The following PRKG1 variants were observed in gnomAD, a reference collection of about 807,000 sequenced individuals.
PRKG1 encodes protein kinase cGMP-dependent 1, also known as cGMP-dependent protein kinase 1.
Under a neutral mutation model 88.1 loss-of-function variants are expected in PRKG1, and 35 were observed. The observed-to-expected ratio is 0.40, with a 90% CI of 0.30 to 0.53. The LOEUF (loss-of-function observed/expected upper bound fraction) is 0.53, where lower values mean the gene tolerates loss of function less well. Among genes scored for constraint, PRKG1 ranks in the 20% least tolerant of loss-of-function variants. The pLI is 0.59. For missense variants in PRKG1, 540 were observed against 839.8 expected (o/e 0.64, Z 4.41); for synonymous variants, 303 against 292.5 (o/e 1.04, Z -0.37).
At chr10:51,111,286 T>C (rs1040062137) in intron 1 of PRKG1, among the ~76,000 whole-genome samples, 2 of 152,182 alleles carry the variant, frequency 1.3e-5, no homozygotes, top group Non-Finnish European at 2.9e-5. Context: ...AAATTTTTTG[T>C]GTGGGCACAT....
rs147864765 is a variant in PRKG1, at chr10:52,264,137, G to A, written c.1174-7213G>A. On this transcript the variant is annotated intron_variant, in intron 10 of 17. Coordinates refer to ENST00000373980, the MANE Select transcript of PRKG1 (RefSeq NM_006258.4). ...AGGATGTCTACATTGCTTTCTGAACGTAGAATCTAAGGCCAGTGTCCTACA... is the reference window on the plus strand; with the variant it reads ...AGGATGTCTACATTGCTTTCTGAACATAGAATCTAAGGCCAGTGTCCTACA... Among the ~76,000 whole-genome samples, 40 of 151,844 alleles carry A rather than the reference G, an allele frequency of 2.6e-4. No homozygotes were observed. In the East Asian group the frequency reaches 5.1e-3, roughly 19 times the overall value.
At chr10:51,049,654 G>A (rs1442623273) in intron 1 of PRKG1, among the ~76,000 whole-genome samples, 2 of 152,220 alleles carry the variant, frequency 1.3e-5, no homozygotes, top group African/African-American at 4.8e-5. Context: ...TGTTTTTGCT[G>A]CTGCAACTAC....
chr10:51,607,289 A>G (rs771771651), intron 3 of PRKG1, among the ~76,000 whole-genome samples: 13 of 152,200 alleles, frequency 8.5e-5, no homozygotes, highest in Non-Finnish European at 1.3e-4. Context: ...AGTAAGTCCA[A>G]TCCAGAACAG....
At chr10:51,900,258 G>T (rs572533358) in intron 4 of PRKG1, among the ~76,000 whole-genome samples, 4 of 152,268 alleles carry the variant, frequency 2.6e-5, no homozygotes, top group Non-Finnish European at 5.9e-5. Context: ...CAGCAAAAGG[G>T]AGGTTTACGA....
At chr10:51,598,935 T>G (rs981914322) in intron 3 of PRKG1, among the ~76,000 whole-genome samples, 1 of 152,098 alleles carries the variant, frequency 6.6e-6, no homozygotes, top group African/African-American at 2.4e-5. Context: ...TGGGCACCTG[T>G]GAGTGTGCTA....
intron 3 of PRKG1, among the ~76,000 whole-genome samples, chr10:51,648,925 C>T (rs920607122): frequency 5.9e-5 from 9 of 152,036 alleles, no homozygotes; most frequent in Non-Finnish European, 1.0e-4. Flanking sequence ...CAAAGTAGGC[C>T]GGGCATGGTG....
chr10:52,282,033 G>A lies in PRKG1; in HGVS notation c.1546-120G>A, dbSNP rs564426271. Reference sequence around the variant, plus strand: ...TATAGACTATTCTTTTTGGAAGACAGAACTATAAAAACATACATGTTTTTA... The same window carrying A: ...TATAGACTATTCTTTTTGGAAGACAAAACTATAAAAACATACATGTTTTTA... On this transcript the variant is annotated intron_variant, in intron 13 of 17. Coordinates refer to ENST00000373980, the MANE Select transcript of PRKG1 (RefSeq NM_006258.4). 82 of 1,074,130 alleles carry A rather than the reference G, an allele frequency of 7.6e-5. No individual in the cohort carries two copies. In the Middle Eastern group the frequency reaches 2.6e-3, roughly 34 times the overall value. The allele number at this position is 1,074,130 out of a possible 1,614,324, so 66.5% of individuals were successfully genotyped here. A position where few individuals can be genotyped will look rare whatever the true frequency, so the allele number is the denominator to read the frequency against.
intron 3 of PRKG1, among the ~76,000 whole-genome samples, chr10:51,674,359 G>A (rs568893500): frequency 1.3e-5 from 2 of 152,062 alleles, no homozygotes; most frequent in African/African-American, 2.4e-5. Context: ...CCTGGTGTGT[G>A]ATGTTCCCCT....
chr10:51,619,407 A>G lies in PRKG1; in HGVS notation c.592+151571A>G, dbSNP rs1699209045. ...TCATTTGACTGGGTCTTTCCCCATT[A>G]TTTTGATTAAAGACAGGGTGGGGAA... On this transcript the variant is annotated intron_variant, in intron 3 of 17. Coordinates refer to ENST00000373980, the MANE Select transcript of PRKG1 (RefSeq NM_006258.4). Among the ~76,000 whole-genome samples, 3 of 152,066 alleles carry G rather than the reference A, an allele frequency of 2.0e-5. 1 individual carries two copies. In the South Asian group the frequency reaches 6.2e-4, roughly 31 times the overall value.
intron 1 of PRKG1, among the ~76,000 whole-genome samples, chr10:51,042,818 G>A (rs1434982790): frequency 5.3e-5 from 8 of 152,198 alleles, no homozygotes; most frequent in South Asian, 2.1e-4. Context: ...TGGAGGTGGC[G>A]TCATGAGGAA....
chr10:51,927,178 G>A (rs971813445), intron 5 of PRKG1, among the ~76,000 whole-genome samples: 5 of 152,140 alleles, frequency 3.3e-5, no homozygotes, highest in African/African-American at 9.7e-5. Flanking sequence ...CCCACATACT[G>A]TGGGAGGGAC....
At chr10:51,355,210 A>G (rs1306414434) in intron 2 of PRKG1, among the ~76,000 whole-genome samples, 1 of 152,080 alleles carries the variant, frequency 6.6e-6, no homozygotes, top group Non-Finnish European at 1.5e-5. Context: ...TGTTATTTCC[A>G]TCTGTATTTT....
intron 2 of PRKG1, among the ~76,000 whole-genome samples, chr10:51,254,408 T>C (rs1023018753): frequency 6.6e-6 from 1 of 152,010 alleles, no homozygotes. Context: ...GCAGGCTAAG[T>C]ACTCTCAGTC....
chr10:51,651,871 C>T (rs773754169), intron 3 of PRKG1, among the ~76,000 whole-genome samples: 2 of 152,048 alleles, frequency 1.3e-5, no homozygotes, highest in South Asian at 2.1e-4. Context: ...TATGAGCCAC[C>T]GTGCCCAGCC....
chr10:51,311,913 C>T (rs1018687103), intron 2 of PRKG1, among the ~76,000 whole-genome samples: 13 of 152,016 alleles, frequency 8.6e-5, no homozygotes, highest in Admixed American at 6.6e-5. Context: ...CTCTTGTTAC[C>T]CAGGTTGGAG....
intron 3 of PRKG1, among the ~76,000 whole-genome samples, chr10:51,628,843 C>T (rs1290566082): frequency 2.6e-5 from 4 of 151,708 alleles, no homozygotes; most frequent in Admixed American, 2.6e-4. Context: ...CCTGTGGTCC[C>T]AGCTACTCGG....
rs1840214077 is a variant in PRKG1, at chr10:51,278,997, C to G, written c.478+125667C>G. On this transcript the variant is annotated intron_variant, in intron 2 of 17. Transcript: ENST00000373980. ...TTAGTTATTTCTTGCCTTCTGCTAG[C>G]TTTTGAATGTGTTTGCTCTTGCTTC... Among the ~76,000 whole-genome samples the G allele has an allele frequency of 2.6e-5, 4 of 152,106 alleles. No homozygotes were observed. The South Asian group carries it at 8.3e-4, about 32-fold the overall frequency.
intron 2 of PRKG1, among the ~76,000 whole-genome samples, chr10:51,213,495 C>G (rs1245486550): frequency 2.0e-5 from 3 of 152,118 alleles, no homozygotes; most frequent in Non-Finnish European, 4.4e-5. Flanking sequence ...TTATATATGT[C>G]TTTCTAGCAG....
intron 2 of PRKG1, among the ~76,000 whole-genome samples, chr10:51,440,153 T>A (rs577228684): frequency 6.6e-6 from 1 of 151,882 alleles, no homozygotes; most frequent in Non-Finnish European, 1.5e-5. Context: ...AGTATGATAC[T>A]CCGTTCAATC....
Sources: gnomAD v4.1 joint callset for allele counts (sites outside exome capture counted in the v4.1 genomes callset) on GRCh38, gnomAD v4.1.1 for gene constraint, MANE v1.5 for transcripts, NCBI Gene and HGNC (gene_info 2026-07-23, HGNC 2026-07-21) for gene names.